The following CPEB3 variants were observed in gnomAD, a reference collection of about 807,000 sequenced individuals.
The protein encoded by CPEB3 is cytoplasmic polyadenylation element-binding protein 3.
Under a neutral mutation model 67.2 loss-of-function variants are expected in CPEB3, and 20 were observed. The ratio of observed to expected loss-of-function variants is 0.30; its 90% CI spans 0.21 to 0.43. The LOEUF is 0.43. Ranked by LOEUF, CPEB3 falls within the 20% of genes least tolerant of loss-of-function variation. The pLI, the probability that CPEB3 is intolerant of heterozygous loss-of-function variation, is 1.00. For synonymous variants in CPEB3, 376 were observed against 393.1 expected (o/e 0.96, Z 0.51); for missense variants, 746 against 968.6 (o/e 0.77, Z 3.05).
chr10:92,252,769 C>T (rs1227630064), intron 1 of CPEB3, among the ~76,000 whole-genome samples: 1 of 152,130 alleles, frequency 6.6e-6, no homozygotes, highest in Non-Finnish European at 1.5e-5. Context: ...ATCCTCCCAC[C>T]TCGGCCTCCC....
chr10:92,109,035 C>G (rs1486733280), intron 7 of CPEB3, among the ~76,000 whole-genome samples: 1 of 152,196 alleles, frequency 6.6e-6, no homozygotes, highest in Non-Finnish European at 1.5e-5. Context: ...GTGTTCATCT[C>G]TAGCTTCTTA....
In CPEB3 at chr10:92,214,525, C is replaced by T. The variant is rs1473729297; in HGVS notation, c.1006-21889G>A. ...TAAGATGAAGTCTCACTCTGTCCCG[C>T]AGGCTGGAGTGCAGTGGCGTGATCT... On this transcript the variant is annotated intron_variant, in intron 2 of 9. Transcript: ENST00000265997. Among the ~76,000 whole-genome samples the T allele has an allele frequency of 2.6e-5, 4 of 152,140 alleles. No individual in the cohort carries two copies. The East Asian group carries it at 7.7e-4, about 29-fold the overall frequency.
intron 9 of CPEB3, among the ~76,000 whole-genome samples, chr10:92,056,570 G>C (rs1842120454): frequency 1.3e-5 from 2 of 152,180 alleles, no homozygotes; most frequent in Non-Finnish European, 1.5e-5. Context: ...TCTGATTCCA[G>C]CAGTGGGAAA....
intron 2 of CPEB3, among the ~76,000 whole-genome samples, chr10:92,217,484 G>C (rs1047936970): frequency 3.3e-5 from 5 of 151,742 alleles, no homozygotes; most frequent in Admixed American, 3.3e-4. Context: ...TTAACAAGCT[G>C]GGCGTGGTGG....
chr10:92,111,244 C>T lies in CPEB3; in HGVS notation c.1454-50G>A, dbSNP rs747527259. The T allele has an allele frequency of 4.4e-6, 5 of 1,133,026 alleles. No homozygotes were observed. The African/African-American group carries it at 4.6e-5, about 10-fold the overall frequency. The allele number at this position is 1,133,026 out of a possible 1,614,324, so 70.2% of individuals were successfully genotyped here. Reference sequence around the variant, plus strand: ...GTAGAGGAAGAATCAGTACATTAAACTCAAAGTACCAATTACAAATTATCT... The same window carrying T: ...GTAGAGGAAGAATCAGTACATTAAATTCAAAGTACCAATTACAAATTATCT... On this transcript the variant is annotated intron_variant, in intron 6 of 9. Coordinates refer to ENST00000265997, the MANE Select transcript of CPEB3 (RefSeq NM_014912.5).
Position 92,240,300 on chromosome 10 carries a change from C to A in CPEB3, c.51G>T (p.Gln17His). The A allele has an allele frequency of 1.3e-6, 2 of 1,508,888 alleles. No homozygotes were observed. The highest frequency in any genetic ancestry group is 1.8e-6 in the Non-Finnish European group (2 of 1,128,282). 93.5% of individuals were successfully genotyped at this position (1,508,888 alleles called of 1,614,324 possible). Residue 17 changes from glutamine to histidine, a missense_variant, in exon 2 of 10, where the codon CAG becomes CAT. Coordinates refer to ENST00000265997, the MANE Select transcript of CPEB3 (RefSeq NM_014912.5). ...GCTGCTGCTGCTGCCGCTGCTGCTG[C>A]TGGGGCTGGGGCTGGGTTTTGCTTT... ...MDKSKTQPQPQQQQRQQQQPQ... is the reference protein window; with the variant it reads ...MDKSKTQPQPHQQQRQQQQPQ...
At chr10:92,130,655 CTTTT>C (rs35187694) in intron 6 of CPEB3, among the ~76,000 whole-genome samples, 2 of 135,218 alleles carry the variant, frequency 1.5e-5, no homozygotes, top group Non-Finnish European at 3.2e-5. Context: ...CCCTATGTGG[CTTTT>C]TTTTTTTTTT....
chr10:92,238,314 C>T (rs970766992), intron 2 of CPEB3, among the ~76,000 whole-genome samples: 1 of 152,208 alleles, frequency 6.6e-6, no homozygotes, highest in African/African-American at 2.4e-5. Context: ...ATGCCCAGGA[C>T]ACTGCCAATT....
intron 1 of CPEB3, among the ~76,000 whole-genome samples, chr10:92,261,594 C>T (rs549042522): frequency 7.9e-5 from 12 of 152,082 alleles, no homozygotes; most frequent in African/African-American, 2.9e-4. Context: ...ATTACAGGCG[C>T]CCACCACAAT....
At chr10:92,262,505 T>C (rs2063570391) in intron 1 of CPEB3, among the ~76,000 whole-genome samples, 1 of 152,154 alleles carries the variant, frequency 6.6e-6, no homozygotes, top group Admixed American at 6.5e-5. Flanking sequence ...GTTATAATGT[T>C]GGCAAGTAGA....
Position 92,081,434 on chromosome 10 carries a change from T to C in CPEB3, c.1755A>G (p.Pro585=). 6.2e-7 allele frequency: 1 copy of C among 1,614,042 alleles called. No homozygotes were observed. The highest frequency in any genetic ancestry group is 8.5e-7 in the Non-Finnish European group (1 of 1,180,014). Reference sequence around the variant, plus strand: ...CAGCACCTTTGGGGTACTTCAGCTCTGGGTCCGTATCAATGCCAGCATAGC... The same window carrying C: ...CAGCACCTTTGGGGTACTTCAGCTCCGGGTCCGTATCAATGCCAGCATAGC... ...GVCYAGIDTD[P]ELKYPKGAGR... is the part of the protein sequence containing the mutation. The change falls in exon 9 of 10, where the codon CCA becomes CCG. Residue 585 remains proline, a synonymous_variant. Coordinates refer to ENST00000265997, the MANE Select transcript of CPEB3 (RefSeq NM_014912.5).
intron 1 of CPEB3, among the ~76,000 whole-genome samples, chr10:92,289,092 A>C (rs1842670220): frequency 1.3e-5 from 2 of 151,868 alleles, no homozygotes; most frequent in African/African-American, 4.8e-5. Flanking sequence ...AAAATACAAA[A>C]GTTAGCCAGG....
At chr10:92,142,370 C>A (rs1846477398) in intron 6 of CPEB3, among the ~76,000 whole-genome samples, 1 of 152,180 alleles carries the variant, frequency 6.6e-6, no homozygotes, top group African/African-American at 2.4e-5. Context: ...AAACATTCTT[C>A]TATATAAATC....
chr10:92,096,699 T>C (rs1843896631), intron 7 of CPEB3, among the ~76,000 whole-genome samples: 1 of 152,136 alleles, frequency 6.6e-6, no homozygotes, highest in Non-Finnish European at 1.5e-5. Flanking sequence ...ATCCCAGCAC[T>C]TTGGGAGGCC....
intron 6 of CPEB3, among the ~76,000 whole-genome samples, chr10:92,124,103 A>G (rs778726439): frequency 6.6e-6 from 1 of 152,174 alleles, no homozygotes; most frequent in Non-Finnish European, 1.5e-5. Flanking sequence ...TTCCTCAATA[A>G]AAGTTCTCAT....
chr10:92,228,153 G>A (rs758456427), intron 2 of CPEB3, among the ~76,000 whole-genome samples: 25 of 152,286 alleles, frequency 1.6e-4, no homozygotes, highest in Non-Finnish European at 2.5e-4. Context: ...CTCCCAAAGT[G>A]CTGAGATTAC....
intron 7 of CPEB3, among the ~76,000 whole-genome samples, chr10:92,099,004 T>G (rs1844039191): frequency 6.6e-6 from 1 of 151,928 alleles, no homozygotes; most frequent in Admixed American, 6.6e-5. Context: ...ACTCCTAACC[T>G]CAAGTGATCT....
intron 7 of CPEB3, among the ~76,000 whole-genome samples, chr10:92,095,314 C>T (rs1160777679): frequency 1.3e-5 from 2 of 152,164 alleles, no homozygotes; most frequent in African/African-American, 4.8e-5. Flanking sequence ...CACCAGAAAA[C>T]AGTTGCTCAG....
chr10:92,262,521 C>A (rs1852847624), intron 1 of CPEB3, among the ~76,000 whole-genome samples: 1 of 152,034 alleles, frequency 6.6e-6, no homozygotes, highest in Non-Finnish European at 1.5e-5. Context: ...GTAGAGAAGC[C>A]AGGATTCCAA....
Sources: allele counts gnomAD v4.1 joint callset (sites outside exome capture counted in the v4.1 genomes callset), GRCh38; gene constraint gnomAD v4.1.1; transcripts MANE v1.5; gene names NCBI Gene and HGNC (gene_info 2026-07-23, HGNC 2026-07-21).